Variants in SCFD2 observed in about 807,000 individuals in gnomAD.
SCFD2 encodes sec1 family domain containing 2.
SCFD2 carries 54 observed loss-of-function variants against 58.9 expected under a neutral mutation model. The ratio of observed to expected loss-of-function variants is 0.92; its 90% confidence interval spans 0.74 to 1.15. The LOEUF is 1.15. Ranked by LOEUF, SCFD2 falls within the 50% of genes most tolerant of loss-of-function variation. The probability of loss-of-function intolerance (pLI) is 0.00; values close to 1 mark genes in which losing one functional copy is unlikely to be tolerated. For synonymous variants in SCFD2, 321 were observed against 335.9 expected, an observed-to-expected ratio of 0.96 and a Z score of 0.49; for missense variants, 805 against 836.6, an observed-to-expected ratio of 0.96 and a Z score of 0.47.
intron 1 of SCFD2, among the ~76,000 whole-genome samples, chr4:53,363,684 G>A (rs1275989082): frequency 6.6e-6 from 1 of 151,744 alleles, no homozygotes; most frequent in Non-Finnish European, 1.5e-5. Context: ...TTAGCCCGGC[G>A]TAGTGGCGGG....
intron 5 of SCFD2, among the ~76,000 whole-genome samples, chr4:53,120,305 T>C (rs1339386847): frequency 6.6e-6 from 1 of 152,204 alleles, no homozygotes; most frequent in Non-Finnish European, 1.5e-5. Flanking sequence ...ATGGCAGCTG[T>C]CATTTACTGG....
intron 5 of SCFD2, among the ~76,000 whole-genome samples, chr4:53,101,456 A>C (rs886560002): frequency 6.6e-6 from 1 of 152,214 alleles, no homozygotes; most frequent in Non-Finnish European, 1.5e-5. Flanking sequence ...TTTAAAATGT[A>C]TCTGCTGATA....
chr4:53,244,829 A>AAAT (rs1553890832), intron 4 of SCFD2, among the ~76,000 whole-genome samples: 2 of 150,346 alleles, frequency 1.3e-5, no homozygotes, highest in Non-Finnish European at 3.0e-5. Context: ...TGAAAAAAAA[A>AAAT]AATAATAATA....
chr4:52,882,930 G>C (rs1192968752), intron 8 of SCFD2, among the ~76,000 whole-genome samples: 2 of 152,212 alleles, frequency 1.3e-5, no homozygotes, highest in South Asian at 2.1e-4. Context: ...TCAAGTAAAG[G>C]CTGGATAGTA....
At chr4:53,015,197 A>C (rs1408748296) in intron 5 of SCFD2, among the ~76,000 whole-genome samples, 1 of 152,176 alleles carries the variant, frequency 6.6e-6, no homozygotes, top group Non-Finnish European at 1.5e-5. Flanking sequence ...AGTAAATACA[A>C]AAAAACACAG....
Position 53,175,760 on chromosome 4 carries a change from T to G in SCFD2, c.1312-30178A>C, listed in dbSNP as rs186052728. ...CACTAGCAGATAAGACAACTGCCAC[T>G]TTCAGTGACCCTGGATATACCACTT... On this transcript the variant is annotated intron_variant, in intron 4 of 8. Coordinates refer to ENST00000401642, the MANE Select transcript of SCFD2 (RefSeq NM_152540.4). 3.3e-5 allele frequency among the ~76,000 whole-genome samples: 5 copies of G among 152,324 alleles called. No homozygotes were observed. The East Asian group carries it at 7.7e-4, about 24-fold the overall frequency.
At chr4:53,302,192 T>A (rs1236598523) in intron 3 of SCFD2, among the ~76,000 whole-genome samples, 4 of 152,188 alleles carry the variant, frequency 2.6e-5, no homozygotes, top group African/African-American at 9.7e-5. Flanking sequence ...TGATTGTATA[T>A]CTAGAAAACC....
intron 4 of SCFD2, among the ~76,000 whole-genome samples, chr4:53,219,126 C>G (rs1413155568): frequency 3.9e-5 from 6 of 152,172 alleles, no homozygotes; most frequent in Non-Finnish European, 8.8e-5. Flanking sequence ...TCTCAGATCT[C>G]AAACTCCATG....
At chr4:53,348,541 C>T (rs576277664) in intron 2 of SCFD2, among the ~76,000 whole-genome samples, 1 of 152,160 alleles carries the variant, frequency 6.6e-6, no homozygotes, top group African/African-American at 2.4e-5. Context: ...AAAAAAACTA[C>T]CATTTTTCTC....
intron 5 of SCFD2, among the ~76,000 whole-genome samples, chr4:53,126,187 T>C (rs1047343163): frequency 1.2e-4 from 19 of 152,344 alleles, no homozygotes; most frequent in Middle Eastern, 3.4e-3. Context: ...TACTCTACTA[T>C]TGACCCTTTG....
intron 5 of SCFD2, among the ~76,000 whole-genome samples, chr4:52,992,419 C>A (rs1189386035): frequency 6.6e-6 from 1 of 152,222 alleles, no homozygotes; most frequent in African/African-American, 2.4e-5. Flanking sequence ...TCCCAAAGTG[C>A]CGAGATTGCA....
At chr4:52,888,918 C>A (rs1044167681) in intron 7 of SCFD2, among the ~76,000 whole-genome samples, 8 of 152,178 alleles carry the variant, frequency 5.3e-5, no homozygotes, top group Non-Finnish European at 1.2e-4. Flanking sequence ...GCAGACGACA[C>A]CTCCTGGGAT....
chr4:53,361,397 A>G (rs1407668425), intron 1 of SCFD2, among the ~76,000 whole-genome samples: 1 of 152,164 alleles, frequency 6.6e-6, no homozygotes, highest in African/African-American at 2.4e-5. Context: ...TGGGATTTTT[A>G]TTTTTACTTA....
intron 2 of SCFD2, among the ~76,000 whole-genome samples, chr4:53,317,191 A>T (rs1034969956): frequency 6.6e-6 from 1 of 152,192 alleles, no homozygotes; most frequent in African/African-American, 2.4e-5. Flanking sequence ...TTTTCTAAAC[A>T]CGTCATACTA....
intron 6 of SCFD2, 26 bp downstream of exon 6, chr4:52,920,699 G>T: frequency 6.6e-7 from 1 of 1,506,492 alleles, no homozygotes; most frequent in Non-Finnish European, 9.0e-7. Context: ...CAGATTAGAA[G>T]GTTACTTTAA....
chr4:52,951,134 A>T (rs1165413941), intron 5 of SCFD2: 1 of 152,242 alleles, frequency 6.6e-6, no homozygotes, highest in African/African-American at 2.4e-5. Flanking sequence ...ACATACTCTA[A>T]GAGGTGGCTT....
chr4:53,064,534 C>G (rs148143104), intron 5 of SCFD2, among the ~76,000 whole-genome samples: 70 of 152,212 alleles, frequency 4.6e-4, no homozygotes, highest in Non-Finnish European at 8.4e-4. Flanking sequence ...CTTTCAATAC[C>G]AATCTCTTGG....
At chr4:53,040,411 AT>A (rs369908748) in intron 5 of SCFD2, among the ~76,000 whole-genome samples, 1,742 of 151,994 alleles carry the variant, frequency 0.011, 18 homozygotes, top group Middle Eastern at 0.034. Flanking sequence ...TTGGAATTTG[AT>A]TTTTTTTCTC....
chr4:52,997,531 T>C (rs960684153), intron 5 of SCFD2, among the ~76,000 whole-genome samples: 1 of 152,340 alleles, frequency 6.6e-6, no homozygotes, highest in East Asian at 1.9e-4. Flanking sequence ...CTGGAGTGGA[T>C]AAGGCCATTA....
Sources: allele counts gnomAD v4.1 joint callset (sites outside exome capture counted in the v4.1 genomes callset), GRCh38; gene constraint gnomAD v4.1.1; transcripts MANE v1.5; gene names NCBI Gene and HGNC (gene_info 2026-07-23, HGNC 2026-07-21).